Variants in ITGA9 observed in about 807,000 individuals in gnomAD.
The protein encoded by ITGA9 is integrin subunit alpha 9.
In ITGA9, 56 loss-of-function variants were observed where a neutral mutation model predicts 127.8. The observed-to-expected ratio is 0.44, with a 90% CI of 0.35 to 0.55. The LOEUF (loss-of-function observed/expected upper bound fraction) is 0.55. Ranked by LOEUF, ITGA9 falls within the 20% of genes least tolerant of loss-of-function variation. ITGA9 has a pLI of 0.00. For synonymous variants in ITGA9, 508 were observed against 514.5 expected (o/e 0.99, Z 0.17); for missense variants, 1,196 against 1,347.1 (o/e 0.89, Z 1.76).
intron 18 of ITGA9, among the ~76,000 whole-genome samples, chr3:37,694,173 C>G (rs1559569802): frequency 6.6e-6 from 1 of 152,224 alleles, no homozygotes; most frequent in African/African-American, 2.4e-5. Flanking sequence ...ACAGCAAGCT[C>G]TTTATCTTGC....
At chr3:37,596,276 CTA>C (rs1559545146) in intron 15 of ITGA9, among the ~76,000 whole-genome samples, 24 of 151,618 alleles carry the variant, frequency 1.6e-4, no homozygotes, top group Admixed American at 5.9e-4. Flanking sequence ...AAGAGAAAGG[CTA>C]CAACTCAGTT....
intron 3 of ITGA9, 133 bp downstream of exon 3, chr3:37,473,593 A>G: frequency 1.7e-6 from 1 of 598,014 alleles, no homozygotes; most frequent in Non-Finnish European, 3.0e-6. Flanking sequence ...GCTTAGACAA[A>G]TGACTTATCT....
intron 18 of ITGA9, among the ~76,000 whole-genome samples, chr3:37,715,218 A>T (rs1449614884): frequency 6.6e-6 from 1 of 152,158 alleles, no homozygotes; most frequent in African/African-American, 2.4e-5. Flanking sequence ...ACTCTTGAAA[A>T]GTTTCTCTTA....
Position 37,732,699 on chromosome 3 carries a change from CT to C in ITGA9, c.2068-8del. 1.3e-6 allele frequency: 2 copies of C among 1,599,786 alleles called. No homozygotes were observed. The highest frequency in any genetic ancestry group is 1.7e-6 in the Non-Finnish European group (2 of 1,173,232). On this transcript the variant is annotated splice_polypyrimidine_tract_variant and intron_variant, in intron 18 of 27. Transcript: ENST00000264741. ...TGTGCAGCCGGCCCATCTGTTGGTG[CT>C]TTTTCTTTCAGGAGGAGATGGGCAT...
At chr3:37,657,594 G>A (rs1424377172) in intron 17 of ITGA9, among the ~76,000 whole-genome samples, 1 of 148,068 alleles carries the variant, frequency 6.8e-6, no homozygotes, top group Non-Finnish European at 1.5e-5. Flanking sequence ...CTTTATTAGT[G>A]TGGCTAGTGG....
intron 15 of ITGA9, among the ~76,000 whole-genome samples, chr3:37,605,981 G>T (rs190869937): frequency 1.1e-4 from 16 of 152,274 alleles, no homozygotes; most frequent in African/African-American, 3.1e-4. Context: ...TGTGAGGAAT[G>T]CCAGAGGGAG....
At chr3:37,692,410 AGAGT>A (rs1297066791) in intron 18 of ITGA9, among the ~76,000 whole-genome samples, 60 of 135,964 alleles carry the variant, frequency 4.4e-4, no homozygotes, top group African/African-American at 1.4e-3. Context: ...AGAGAGAGAG[AGAGT>A]GTGTGTGTGT....
intron 3 of ITGA9, among the ~76,000 whole-genome samples, chr3:37,478,228 C>T (rs1698514721): frequency 6.6e-6 from 1 of 152,170 alleles, no homozygotes; most frequent in Non-Finnish European, 1.5e-5. Context: ...AGCAGCCAGG[C>T]CCAGTTGTGG....
intron 17 of ITGA9, among the ~76,000 whole-genome samples, chr3:37,666,242 A>T (rs890246369): frequency 6.6e-6 from 1 of 152,228 alleles, no homozygotes; most frequent in Non-Finnish European, 1.5e-5. Context: ...AGACCATGAG[A>T]CAAGGATTTG....
chr3:37,704,521 A>G (rs1400588163), intron 18 of ITGA9, among the ~76,000 whole-genome samples: 3 of 152,170 alleles, frequency 2.0e-5, no homozygotes, highest in African/African-American at 7.2e-5. Flanking sequence ...TGAGCACTGA[A>G]CGACTGGAAG....
At chr3:37,653,659 G>A (rs551610519) in intron 16 of ITGA9, 55 bp from the exon 17 acceptor site, 13 of 1,246,758 alleles carry the variant, frequency 1.0e-5, no homozygotes, top group Non-Finnish European at 1.4e-5. Flanking sequence ...TGGCCACTGT[G>A]TACTCGTTTG....
intron 12 of ITGA9, among the ~76,000 whole-genome samples, 199 bp downstream of exon 12, chr3:37,523,810 A>G (rs1481527034): frequency 1.3e-5 from 2 of 152,078 alleles, no homozygotes; most frequent in African/African-American, 4.8e-5. Context: ...AAACTGATCT[A>G]CTCTGAATGG....
At position 37,625,980 on chromosome 3, in the gene ITGA9, A is replaced by G. The variant is rs1218707388; in HGVS notation, c.1690-3207A>G. Among the ~76,000 whole-genome samples the G allele has an allele frequency of 2.6e-5, 4 of 152,198 alleles. No homozygotes were observed. The East Asian group carries it at 7.7e-4, about 29-fold the overall frequency. ...AAAATAGGTTCCGGCAGCCATTGCC[A>G]GGAAGCAGCATTCGCACCCCTACAT... is the stretch of plus-strand genomic sequence containing the variant. On this transcript the variant is annotated intron_variant, in intron 15 of 27. Transcript: ENST00000264741.
At chr3:37,488,056 G>C (rs1177076859) in intron 4 of ITGA9, among the ~76,000 whole-genome samples, 2 of 152,156 alleles carry the variant, frequency 1.3e-5, no homozygotes, top group Non-Finnish European at 2.9e-5. Flanking sequence ...TTCAGTATCT[G>C]CACAGCAGTT....
Position 37,741,742 on chromosome 3 carries a change from G to C in ITGA9, c.2247G>C (p.Glu749Asp). The stretch of plus-strand genomic sequence containing the variant: ...TCTCTCTGCACAGTGGCAACACGGA[G>C]CGCTCTGAATCCCTGCATGACAACA... ...FIVTAQSGNTERSESLHDNTL... is the reference protein window; with the variant it reads ...FIVTAQSGNTDRSESLHDNTL... Residue 749 changes from glutamate (E) to aspartate (D), a missense_variant, in exon 21 of 28, where the codon GAG becomes GAC. Transcript: ENST00000264741. 1.2e-6 allele frequency: 2 copies of C among 1,613,674 alleles called. No individual in the cohort carries two copies. Among genetic ancestry groups the C allele is most frequent in the Non-Finnish European group, 1.7e-6 (2 of 1,179,816 alleles).
chr3:37,513,077 T>C (rs1012947092), intron 8 of ITGA9, among the ~76,000 whole-genome samples: 1 of 152,226 alleles, frequency 6.6e-6, no homozygotes, highest in Non-Finnish European at 1.5e-5. Flanking sequence ...GAGAATAACC[T>C]ATTTCCCCAT....
intron 15 of ITGA9, among the ~76,000 whole-genome samples, chr3:37,587,384 T>A (rs1291718425): frequency 2.0e-5 from 3 of 152,228 alleles, no homozygotes; most frequent in South Asian, 4.1e-4. Flanking sequence ...AAGCTTCTTG[T>A]TATTGTTTTT....
rs544677042 is a variant in ITGA9, at chr3:37,688,802, A to G, written c.2067+4787A>G. 5.9e-3 allele frequency among the ~76,000 whole-genome samples: 891 copies of G among 151,224 alleles called. 8 individuals carry two copies. Among genetic ancestry groups the G allele is most frequent in the Non-Finnish European group, 8.7e-3 (588 of 67,654 alleles). On this transcript the variant is annotated intron_variant, in intron 18 of 27. Transcript: ENST00000264741. The stretch of plus-strand genomic sequence containing the variant: ...GCTGCACAGGATCTGTCCACAGAAT[A>G]GATGGATGGATGGATGGATGGGTGG...
chr3:37,556,650 C>T (rs1575148597), intron 15 of ITGA9, among the ~76,000 whole-genome samples: 1 of 152,240 alleles, frequency 6.6e-6, no homozygotes, highest in Admixed American at 6.5e-5. Context: ...TTCTAGCAAG[C>T]TCCCTGGTGA....
Sources: allele counts gnomAD v4.1 joint callset (sites outside exome capture counted in the v4.1 genomes callset), GRCh38; gene constraint gnomAD v4.1.1; transcripts MANE v1.5; gene names NCBI Gene and HGNC (gene_info 2026-07-23, HGNC 2026-07-21).